Variants in ZNF717 observed in about 807,000 individuals in gnomAD.
The protein encoded by ZNF717 is krueppel-like factor X17.
In ZNF717, 9 loss-of-function variants were observed where a neutral mutation model predicts 13.8. The ratio of observed to expected loss-of-function variants is 0.65; its 90% confidence interval spans 0.39 to 1.14. The LOEUF (loss-of-function observed/expected upper bound fraction) is 1.14. Among genes scored for constraint, ZNF717 ranks in the 50% most tolerant of loss-of-function variants. The pLI is 0.01. For missense variants in ZNF717, 1,040 were observed against 1,080.7 expected (o/e 0.96, Z 0.53); for synonymous variants, 327 against 364.1 (o/e 0.90, Z 1.16).
At chr3:75,743,580 T>G (rs1940745495) in intron 2 of ZNF717, among the ~76,000 whole-genome samples, 1 of 152,174 alleles carries the variant, frequency 6.6e-6, no homozygotes, top group Non-Finnish European at 1.5e-5. Flanking sequence ...CAGCCATCCC[T>G]GAGGAAGAGA....
intron 4 of ZNF717, among the ~76,000 whole-genome samples, chr3:75,716,902 A>G (rs1249531515): frequency 2.6e-5 from 4 of 152,214 alleles, no homozygotes; most frequent in South Asian, 2.1e-4. Context: ...TCCACCTCAC[A>G]CAAGTCCAGG....
intron 5 of ZNF717, among the ~76,000 whole-genome samples, chr3:75,713,141 A>C (rs1374036978): frequency 6.6e-6 from 1 of 152,010 alleles, no homozygotes; most frequent in Non-Finnish European, 1.5e-5. Flanking sequence ...TATCCATATT[A>C]ATTAAAATTT....
chr3:75,775,579 G>T lies in ZNF717; in HGVS notation c.57+7727C>A, dbSNP rs191421120. Among the ~76,000 whole-genome samples the T allele has an allele frequency of 1.4e-4, 21 of 152,252 alleles. No homozygotes were observed. The East Asian group carries it at 3.5e-3, about 25-fold the overall frequency. On this transcript the variant is annotated intron_variant, in intron 2 of 4. Coordinates refer to ENST00000652011, the MANE Select transcript of ZNF717 (RefSeq NM_001290208.3). Reference sequence around the variant, plus strand: ...TAAGAATTCCCAAAAGTTATGCTGGGCACAGTGGCTCACGTCTGCAATCCC... The same window carrying T: ...TAAGAATTCCCAAAAGTTATGCTGGTCACAGTGGCTCACGTCTGCAATCCC...
chr3:75,734,717 A>G (rs765877944), downstream of ZNF717, among the ~76,000 whole-genome samples: 291 of 113,428 alleles, frequency 2.6e-3, no homozygotes, highest in Admixed American at 3.1e-3. Context: ...TTACAGGCAT[A>G]AGCCACCGTA....
At chr3:75,767,447 G>GCT (rs1943568630) in intron 2 of ZNF717, among the ~76,000 whole-genome samples, 2 of 151,758 alleles carry the variant, frequency 1.3e-5, no homozygotes, top group Non-Finnish European at 2.9e-5. Flanking sequence ...AACAGAATAT[G>GCT]GCAGCTGGAA....
intron 2 of ZNF717, among the ~76,000 whole-genome samples, chr3:75,783,045 G>A (rs1397662980): frequency 6.6e-6 from 1 of 152,200 alleles, no homozygotes; most frequent in African/African-American, 2.4e-5. Flanking sequence ...CTCTCTTCGC[G>A]GGTTCCATTC....
chr3:75,740,966 ATT>A (rs60783114), intron 4 of ZNF717, among the ~76,000 whole-genome samples: 1 of 152,034 alleles, frequency 6.6e-6, no homozygotes, highest in South Asian at 2.1e-4. Context: ...GTCTAAAAAA[ATT>A]TTTAAGATAC....
chr3:75,708,980 A>G (rs1937869777), downstream of ZNF717, among the ~76,000 whole-genome samples: 1 of 148,168 alleles, frequency 6.7e-6, no homozygotes, highest in East Asian at 2.0e-4. Flanking sequence ...GAAGTGCCAC[A>G]TCTTTTCTTT....
chr3:75,727,471 G>C (rs1938308366), downstream of ZNF717, among the ~76,000 whole-genome samples: 1 of 152,130 alleles, frequency 6.6e-6, no homozygotes. Context: ...TCCCAGCAAG[G>C]AATATTAATA....
chr3:75,735,534 A>G (rs1262758230), downstream of ZNF717, among the ~76,000 whole-genome samples: 2 of 151,612 alleles, frequency 1.3e-5, no homozygotes, highest in Non-Finnish European at 2.9e-5. Context: ...AGTCCTAGCT[A>G]ATTGGGAGAC....
At chr3:75,726,601 G>A (rs1938284931), downstream of ZNF717, among the ~76,000 whole-genome samples, 2 of 152,262 alleles carry the variant, frequency 1.3e-5, no homozygotes, top group African/African-American at 4.8e-5. Flanking sequence ...CAGTCCCAAG[G>A]ACACAAAGAA....
At chr3:75,768,438 A>G (rs1169600700) in intron 2 of ZNF717, among the ~76,000 whole-genome samples, 2 of 145,188 alleles carry the variant, frequency 1.4e-5, no homozygotes, top group Non-Finnish European at 3.0e-5. Context: ...GGGGCAGATG[A>G]CAGGCCACCA....
intron 6 of ZNF717, among the ~76,000 whole-genome samples, chr3:75,700,629 A>T (rs1239687661): frequency 4.5e-4 from 68 of 152,386 alleles, no homozygotes; most frequent in African/African-American, 1.5e-3. Context: ...TTAGAAACAA[A>T]CTCATACAGC....
chr3:75,733,650 G>C (rs1938795516), downstream of ZNF717, among the ~76,000 whole-genome samples: 1 of 151,068 alleles, frequency 6.6e-6, no homozygotes, highest in Non-Finnish European at 1.5e-5. Context: ...GTAGGGGTGG[G>C]AGCTCATAGT....
chr3:75,783,000 A>C (rs1944923774), intron 2 of ZNF717, among the ~76,000 whole-genome samples: 1 of 152,250 alleles, frequency 6.6e-6, no homozygotes. Context: ...GACTTGGTGC[A>C]CACAAGCTTT....
At position 75,738,448 on chromosome 3, in the gene ZNF717, T is replaced by C. The variant is rs2107101830; in HGVS notation, c.1175A>G (p.Glu392Gly). 4 of 1,531,818 alleles carry C rather than the reference T, an allele frequency of 2.6e-6. No homozygotes were observed. In the East Asian group the frequency reaches 1.0e-4, roughly 38 times the overall value. The allele number at this position is 1,531,818 out of a possible 1,614,324, so 94.9% of individuals were successfully genotyped here. A position where few individuals can be genotyped will look rare whatever the true frequency, so the allele number is the denominator to read the frequency against. ...ACATTCACTACACTGATAGGGCTTT[T>C]CCCCTGAGTGAGTTCTGTGATGTAA... is the stretch of plus-strand genomic sequence containing the variant. ...LTLHHRTHSGEKPYQCSECGK... is the reference protein window; with the variant it reads ...LTLHHRTHSGGKPYQCSECGK... Residue 392 changes from glutamate (E) to glycine (G), a missense_variant, in exon 5 of 5, where the codon GAA becomes GGA. By Grantham distance (98) the Glu-to-Gly change is moderately conservative (BLOSUM62 -2). Around this residue, in one of 3 missense-constraint regions of ZNF717, gnomAD observed 873 missense variants for 832.8 expected, o/e 1.05. Coordinates refer to ENST00000652011, the MANE Select transcript of ZNF717 (RefSeq NM_001290208.3).
chr3:75,730,395 T>A (rs1459903216), exon 6 of ZNF717: 3 of 438,494 alleles, frequency 6.8e-6, no homozygotes, highest in Non-Finnish European at 1.2e-5. Context: ...GTCAATTTGC[T>A]GTGCAAAGGG....
At chr3:75,746,898 T>C (rs1213735503) in intron 2 of ZNF717, among the ~76,000 whole-genome samples, 9 of 152,228 alleles carry the variant, frequency 5.9e-5, no homozygotes, top group African/African-American at 2.2e-4. Flanking sequence ...TTGGCTTTTG[T>C]TGCCATTGCT....
chr3:75,706,135 T>TA (rs113805567), downstream of ZNF717, among the ~76,000 whole-genome samples: 3 of 151,548 alleles, frequency 2.0e-5, no homozygotes, highest in South Asian at 4.2e-4. Context: ...CTTGAAGGAA[T>TA]AAAAAAAAAG....
Sources: allele counts gnomAD v4.1 joint callset (sites outside exome capture counted in the v4.1 genomes callset), GRCh38; gene constraint gnomAD v4.1.1; regional missense constraint gnomAD v4.1.1; transcripts MANE v1.5; gene names NCBI Gene and HGNC (gene_info 2026-07-23, HGNC 2026-07-21).